SOCS2: variants seen among roughly 807,000 people sequenced by gnomAD.
The protein encoded by SOCS2 is CIS-2.
A neutral mutation model predicts 18.6 loss-of-function variants in SOCS2; 10 were observed. That is an observed-to-expected ratio of 0.54 (90% CI 0.33 to 0.91). The LOEUF (loss-of-function observed/expected upper bound fraction) is 0.91, where lower values mean the gene tolerates loss of function less well. SOCS2 is among the 40% of genes least tolerant of loss of function. The pLI is 0.02. For missense variants in SOCS2, 231 were observed against 247.2 expected, an observed-to-expected ratio of 0.93 and a Z score of 0.44; for synonymous variants, 104 against 104.0, an observed-to-expected ratio of 1.00 and a Z score of 0.00.
At chr12:93,617,118 A>T in the SOCS2 span, among the ~76,000 whole-genome samples, 1 of 152,170 alleles carries the variant, frequency 6.6e-6, no homozygotes, top group Non-Finnish European at 1.5e-5. Flanking sequence ...TGCTAAGCAG[A>T]CTGTCTTATG....
chr12:93,577,542 G>A (rs1188200745), downstream of SOCS2, among the ~76,000 whole-genome samples: 1 of 151,106 alleles, frequency 6.6e-6, no homozygotes, highest in Non-Finnish European at 1.5e-5. Context: ...TTTCCCCCGG[G>A]AGAGGAATTG....
At chr12:93,580,099 C>T (rs908486378), downstream of SOCS2, among the ~76,000 whole-genome samples, 1 of 152,174 alleles carries the variant, frequency 6.6e-6, no homozygotes, top group African/African-American at 2.4e-5. Context: ...AGCATAAATG[C>T]CACCCAAGGA....
At chr12:93,619,950 C>T in the SOCS2 span, among the ~76,000 whole-genome samples, 2 of 152,280 alleles carry the variant, frequency 1.3e-5, no homozygotes, top group Non-Finnish European at 1.5e-5. Context: ...TATATCTTCA[C>T]GTTTCAATTG....
the SOCS2 span, among the ~76,000 whole-genome samples, chr12:93,605,433 G>T: frequency 6.6e-6 from 1 of 152,118 alleles, no homozygotes; most frequent in African/African-American, 2.4e-5. Context: ...GAGGCCAGGG[G>T]CTTCAACCAT....
At chr12:93,614,635 T>TTTCTTTATTTCTTTC in the SOCS2 span, among the ~76,000 whole-genome samples, 1 of 111,590 alleles carries the variant, frequency 9.0e-6, no homozygotes, top group African/African-American at 4.1e-5. Context: ...TTCTTTCTTT[T>TTTCTTTATTTCTTTC]GATGGAGTCT....
chr12:93,595,637 C>T, the SOCS2 span, among the ~76,000 whole-genome samples: 1 of 152,132 alleles, frequency 6.6e-6, no homozygotes, highest in Admixed American at 6.5e-5. Context: ...AAAAGACGTG[C>T]TCTCCTTTTT....
At chr12:93,620,363 C>T in the SOCS2 span, among the ~76,000 whole-genome samples, 3 of 152,104 alleles carry the variant, frequency 2.0e-5, no homozygotes, top group South Asian at 2.1e-4. Context: ...CATCCCCCAT[C>T]GCCTCAATAT....
At chr12:93,608,951 G>C in the SOCS2 span, among the ~76,000 whole-genome samples, 1 of 152,186 alleles carries the variant, frequency 6.6e-6, no homozygotes, top group Admixed American at 6.5e-5. Context: ...CCAGGGGTAA[G>C]TATTTACCTT....
the SOCS2 span, among the ~76,000 whole-genome samples, chr12:93,592,488 T>C: frequency 6.6e-6 from 1 of 152,350 alleles, no homozygotes; most frequent in Middle Eastern, 3.4e-3. Context: ...TGGGAACATA[T>C]ATGTTGAGTA....
chr12:93,570,734 G>A (rs369106207), upstream of SOCS2: 1 of 152,354 alleles, frequency 6.6e-6, no homozygotes, highest in South Asian at 2.1e-4. Context: ...TCTCTAGCTT[G>A]CGCCCGAGCA....
At chr12:93,589,598 G>T in the SOCS2 span, among the ~76,000 whole-genome samples, 1 of 152,214 alleles carries the variant, frequency 6.6e-6, no homozygotes, top group African/African-American at 2.4e-5. Context: ...CTTGGCAGCA[G>T]TGGTTGATGT....
At chr12:93,587,538 G>A (rs1023961792), downstream of SOCS2, among the ~76,000 whole-genome samples, 29 of 151,852 alleles carry the variant, frequency 1.9e-4, no homozygotes, top group South Asian at 1.0e-3. Flanking sequence ...AAAAGTAGCC[G>A]GGCGTGGTGG....
chr12:93,576,138 A>G lies in SOCS2; in HGVS notation c.*959A>G, dbSNP rs181068817. On this transcript the variant is annotated 3_prime_UTR_variant, in exon 2 of 2. Coordinates refer to ENST00000551556, the MANE Select transcript of SOCS2 (RefSeq NM_001270471.2). ...ACAGGGGGATACCTGCCTGTTTTTC[A>G]AAGTGTTTATTTACTGCTGTTACTA... The G allele has an allele frequency of 8.4e-4, 129 of 152,772 alleles. 1 individual carries two copies. The highest frequency in any genetic ancestry group is 2.9e-3 in the African/African-American group (121 of 41,576). The allele number at this position is 152,772 out of a possible 1,614,324, so 9.5% of individuals were successfully genotyped here.
At chr12:93,573,144 C>A in intron 1 of SOCS2, 108 bp downstream of exon 1, 1 of 1,399,582 alleles carries the variant, frequency 7.1e-7, no homozygotes, top group Non-Finnish European at 9.7e-7. Flanking sequence ...GAAATACGTC[C>A]CTTGCTTCCA....
downstream of SOCS2, among the ~76,000 whole-genome samples, chr12:93,577,815 C>G (rs924974770): frequency 6.6e-6 from 1 of 152,124 alleles, no homozygotes; most frequent in Non-Finnish European, 1.5e-5. Flanking sequence ...GATTTAGTGG[C>G]TGATCAATGC....
the SOCS2 span, among the ~76,000 whole-genome samples, chr12:93,611,763 G>A: frequency 2.6e-5 from 4 of 152,102 alleles, no homozygotes; most frequent in Non-Finnish European, 4.4e-5. Flanking sequence ...CTAAATGATT[G>A]CAGAAATAAA....
Position 93,573,041 on chromosome 12 carries a change from G to T in SOCS2, c.139+5G>T. ...TGCGGGAGCTCGGTCAGACAGGTAGGGAGCCGATCGGCCGCGACGCGTGCG... is the reference window on the plus strand; with the variant it reads ...TGCGGGAGCTCGGTCAGACAGGTAGTGAGCCGATCGGCCGCGACGCGTGCG... On this transcript the variant is annotated splice_donor_5th_base_variant and intron_variant, in intron 1 of 1. Coordinates refer to ENST00000551556, the MANE Select transcript of SOCS2 (RefSeq NM_001270471.2). The T allele has an allele frequency of 6.4e-7, 1 of 1,561,034 alleles. No individual in the cohort carries two copies. The highest frequency in any genetic ancestry group is 2.3e-5 in the East Asian group (1 of 42,608).
the SOCS2 span, among the ~76,000 whole-genome samples, chr12:93,601,333 G>A: frequency 6.6e-6 from 1 of 151,838 alleles, no homozygotes; most frequent in Non-Finnish European, 1.5e-5. Context: ...GGAGTGCAGC[G>A]GTGTGGTCTC....
downstream of SOCS2, among the ~76,000 whole-genome samples, chr12:93,580,231 G>GT (rs1330897002): frequency 2.0e-5 from 3 of 152,146 alleles, no homozygotes; most frequent in African/African-American, 4.8e-5. Context: ...AAATTTGTTT[G>GT]TTTTTGCTAA....
Sources: gnomAD v4.1 joint callset for allele counts (sites outside exome capture counted in the v4.1 genomes callset) on GRCh38, gnomAD v4.1.1 for gene constraint, MANE v1.5 for transcripts, NCBI Gene and HGNC (gene_info 2026-07-23, HGNC 2026-07-21) for gene names.